The following PIK3R5 variants were observed in gnomAD, a reference collection of about 807,000 sequenced individuals.
PIK3R5 encodes the protein phosphoinositide-3-kinase regulatory subunit 5, also known as phosphoinositide 3-kinase regulatory subunit 5.
PIK3R5 carries 32 observed loss-of-function variants against 94.9 expected under a neutral mutation model. The ratio of observed to expected loss-of-function variants is 0.34; its 90% CI spans 0.25 to 0.45. The LOEUF (loss-of-function observed/expected upper bound fraction) is 0.45, where lower values mean the gene tolerates loss of function less well. PIK3R5 is among the 20% of genes least tolerant of loss of function. The pLI, the probability that PIK3R5 is intolerant of heterozygous loss-of-function variation, is 1.00. For synonymous variants in PIK3R5, 443 were observed against 479.4 expected (o/e 0.92, Z 0.99); for missense variants, 853 against 1,144.6 (o/e 0.75, Z 3.68).
chr17:8,927,476 G>A (rs539253431), intron 1 of PIK3R5, among the ~76,000 whole-genome samples: 1 of 152,252 alleles, frequency 6.6e-6, no homozygotes, highest in African/African-American at 2.4e-5. Context: ...AGTGTTAGTG[G>A]ACACCAGTGA....
chr17:8,908,167 T>A (rs1476274694), intron 3 of PIK3R5, among the ~76,000 whole-genome samples: 1 of 152,030 alleles, frequency 6.6e-6, no homozygotes, highest in Non-Finnish European at 1.5e-5. Flanking sequence ...CTCATGGGGG[T>A]TGGAGATACA....
At chr17:8,947,271 T>C (rs1002691209) in intron 1 of PIK3R5, among the ~76,000 whole-genome samples, 33 of 152,174 alleles carry the variant, frequency 2.2e-4, no homozygotes, top group African/African-American at 8.0e-4. Context: ...GGTCATCTCA[T>C]CTGTTGGAAG....
intron 5 of PIK3R5, among the ~76,000 whole-genome samples, chr17:8,903,477 T>C (rs1341693137): frequency 1.3e-5 from 2 of 150,082 alleles, no homozygotes; most frequent in Non-Finnish European, 3.0e-5. Context: ...TTTCTTTATA[T>C]ATAAATTTAT....
At chr17:8,958,245 G>T (rs1567675582) in intron 1 of PIK3R5, among the ~76,000 whole-genome samples, 1 of 149,758 alleles carries the variant, frequency 6.7e-6, no homozygotes, top group Admixed American at 6.7e-5. Context: ...GGCAGGTGGA[G>T]GTTCGCACCA....
At chr17:8,915,128 A>G (rs1460227857) in intron 1 of PIK3R5, among the ~76,000 whole-genome samples, 1 of 152,224 alleles carries the variant, frequency 6.6e-6, no homozygotes, top group African/African-American at 2.4e-5. Context: ...ACAAGTGAAG[A>G]CTTGATTTTG....
chr17:8,963,526 C>CTT (rs5819210), intron 1 of PIK3R5, among the ~76,000 whole-genome samples: 7 of 145,756 alleles, frequency 4.8e-5, no homozygotes, highest in African/African-American at 1.8e-4. Flanking sequence ...TCTTCTTCTT[C>CTT]TTTTTTTTTT....
Position 8,893,759 on chromosome 17 carries a change from C to A in PIK3R5, c.413-104G>T. The A allele has an allele frequency of 1.1e-6, 1 of 870,796 alleles. No homozygotes were observed. Among genetic ancestry groups the A allele is most frequent in the South Asian group, 1.4e-5 (1 of 69,890 alleles). 53.9% of individuals were successfully genotyped at this position (870,796 alleles called of 1,614,324 possible). A position where few individuals can be genotyped will look rare whatever the true frequency, so the allele number is the denominator to read the frequency against. Reference sequence around the variant, plus strand: ...ACTGGACAATCAGGTTGGAAATTCCCGGATGGAGCTCAGGCGAACCTGCAG... The same window carrying A: ...ACTGGACAATCAGGTTGGAAATTCCAGGATGGAGCTCAGGCGAACCTGCAG... On this transcript the variant is annotated intron_variant, in intron 5 of 18. Coordinates refer to ENST00000447110, the MANE Select transcript of PIK3R5 (RefSeq NM_001142633.3). This position sits in a 1 kb window ranked among gnomAD's most constrained non-coding sequence, Gnocchi z 5.1.
rs1240390073 is a variant in PIK3R5 at position 8,892,855 on chromosome 17, G to A, written c.482+731C>T. Among the ~76,000 whole-genome samples, 4 of 152,158 alleles carry A rather than the reference G, an allele frequency of 2.6e-5. No individual in the cohort carries two copies. The East Asian group carries it at 7.7e-4, about 29-fold the overall frequency. ...CCCTGGGCTCCCAACATGTCAAGGT[G>A]AGACAGCACCCAACTCTTCAAGGCC... On this transcript the variant is annotated intron_variant, in intron 6 of 18. Coordinates refer to ENST00000447110, the MANE Select transcript of PIK3R5 (RefSeq NM_001142633.3). The surrounding 1 kb of genome is among the most constrained non-coding windows in gnomAD (Gnocchi z 4.3).
In PIK3R5 at chr17:8,909,352, C is replaced by T. The variant is rs1350014498; in HGVS notation, c.104-178G>A. Among the ~76,000 whole-genome samples the T allele has an allele frequency of 6.6e-5, 10 of 151,588 alleles. No individual in the cohort carries two copies. The highest frequency in any genetic ancestry group is 2.2e-4 in the African/African-American group (9 of 41,192). ...GTCGCCAGGCTGGAGTGCAGTGGTG[C>T]GATCTCAGCTCACTGCAACCTCTGC... On this transcript the variant is annotated intron_variant, in intron 2 of 18. Coordinates refer to ENST00000447110, the MANE Select transcript of PIK3R5 (RefSeq NM_001142633.3). This position sits in a 1 kb window ranked among gnomAD's most constrained non-coding sequence, Gnocchi z 4.3.
rs754693551 is a variant in PIK3R5, at chr17:8,888,395, G to T, written c.1392C>A (p.Asp464Glu). The T allele has an allele frequency of 6.3e-7, 1 of 1,594,970 alleles. No individual in the cohort carries two copies. ...RRAGSLCSPL[D>E]EPVSPPSRAQ... is the part of the protein sequence containing the mutation. The stretch of plus-strand genomic sequence containing the variant: ...CCCGGGAAGGGGGTGATACTGGTTC[G>T]TCCAGGGGGCTGCAGAGGCTCCCTG... Residue 464 changes from aspartate to glutamate, a missense_variant, in exon 10 of 19, where the codon GAC (aspartate) becomes GAA (glutamate). Asp to Glu is a conservative substitution (Grantham distance 45). Coordinates refer to ENST00000447110, the MANE Select transcript of PIK3R5 (RefSeq NM_001142633.3). The surrounding 1 kb of genome is among the most constrained non-coding windows in gnomAD (Gnocchi z 7.8).
intron 1 of PIK3R5, among the ~76,000 whole-genome samples, chr17:8,924,085 C>G (rs1374062113): frequency 8.1e-6 from 1 of 124,152 alleles, no homozygotes; most frequent in Non-Finnish European, 1.7e-5. Flanking sequence ...CCTTCCCTTC[C>G]CTTTCCTTTT....
chr17:8,900,865 G>A (rs946674746), intron 5 of PIK3R5, among the ~76,000 whole-genome samples: 15 of 152,046 alleles, frequency 9.9e-5, no homozygotes, highest in Non-Finnish European at 1.9e-4. Context: ...AGGGACAGCC[G>A]GTTCTACTTG....
At chr17:8,894,444 C>G (rs2090103364) in intron 5 of PIK3R5, among the ~76,000 whole-genome samples, 1 of 152,156 alleles carries the variant, frequency 6.6e-6, no homozygotes. Flanking sequence ...GCCTGGAGTC[C>G]GGGGATCGGG....
intron 1 of PIK3R5, among the ~76,000 whole-genome samples, chr17:8,940,319 G>A (rs1274926388): frequency 6.6e-6 from 1 of 152,168 alleles, no homozygotes. Flanking sequence ...AATGGGAGAG[G>A]AGTCTCTCCA....
chr17:8,920,503 TC>T (rs1307744190), intron 1 of PIK3R5, among the ~76,000 whole-genome samples: 4 of 152,208 alleles, frequency 2.6e-5, no homozygotes, highest in African/African-American at 4.8e-5. Context: ...TAATCATGCA[TC>T]CCTCTGCATA....
rs142339194 is a variant in PIK3R5, at chr17:8,934,265, A to G, written c.-13-22758T>C. On this transcript the variant is annotated intron_variant, in intron 1 of 18. Coordinates refer to ENST00000447110, the MANE Select transcript of PIK3R5 (RefSeq NM_001142633.3). ...AAGTCAGTATTTAAAAGTCAATTGT[A>G]CTTCTACATATTAATAACTACCAAT... Among the ~76,000 whole-genome samples, 13 of 152,362 alleles carry G rather than the reference A, an allele frequency of 8.5e-5. No individual in the cohort carries two copies. The East Asian group carries it at 2.5e-3, about 29-fold the overall frequency.
intron 1 of PIK3R5, among the ~76,000 whole-genome samples, chr17:8,930,432 C>T (rs1038267867): frequency 6.6e-6 from 1 of 152,108 alleles, no homozygotes; most frequent in African/African-American, 2.4e-5. Context: ...TGGTGGGATA[C>T]AGTTAAAGTA....
At chr17:8,950,810 T>C (rs931064235) in intron 1 of PIK3R5, among the ~76,000 whole-genome samples, 14 of 152,222 alleles carry the variant, frequency 9.2e-5, no homozygotes, top group African/African-American at 2.9e-4. Flanking sequence ...TTTGGGAATA[T>C]ACCCAGTAAT....
chr17:8,922,177 G>A (rs1436723920), intron 1 of PIK3R5, among the ~76,000 whole-genome samples: 1 of 150,884 alleles, frequency 6.6e-6, no homozygotes, highest in African/African-American at 2.4e-5. Flanking sequence ...GAGAAGGAGG[G>A]AGGGAGGGAG....
Sources: allele counts gnomAD v4.1 joint callset (sites outside exome capture counted in the v4.1 genomes callset), GRCh38; gene constraint gnomAD v4.1.1; non-coding constraint Gnocchi (gnomAD v3.1); transcripts MANE v1.5; gene names NCBI Gene and HGNC (gene_info 2026-07-23, HGNC 2026-07-21).